KIAA0319L: variants seen among roughly 807,000 people sequenced by gnomAD.
The protein encoded by KIAA0319L is KIAA0319 like, also known as dyslexia-associated protein KIAA0319-like protein.
KIAA0319L carries 55 observed loss-of-function variants against 120.1 expected under a neutral mutation model. The ratio of observed to expected loss-of-function variants is 0.46; its 90% CI spans 0.37 to 0.57. The LOEUF (loss-of-function observed/expected upper bound fraction) is 0.57, where lower values mean the gene tolerates loss of function less well. Ranked by LOEUF, KIAA0319L falls within the 20% of genes least tolerant of loss-of-function variation. KIAA0319L has a pLI of 0.00. For synonymous variants in KIAA0319L, 398 were observed against 471.9 expected (o/e 0.84, Z 2.03); for missense variants, 1,049 against 1,255.3 (o/e 0.84, Z 2.48).
chr1:35,512,995 T>C (rs1645518868), intron 2 of KIAA0319L, among the ~76,000 whole-genome samples: 1 of 151,462 alleles, frequency 6.6e-6, no homozygotes, highest in Non-Finnish European at 1.5e-5. Flanking sequence ...AATAAATTTT[T>C]ATTGGAACTC....
intron 18 of KIAA0319L, among the ~76,000 whole-genome samples, 180 bp downstream of exon 18, chr1:35,442,726 C>A (rs1641316732): frequency 6.6e-6 from 1 of 152,234 alleles, no homozygotes; most frequent in Admixed American, 6.5e-5. Flanking sequence ...TGCTTCAGGG[C>A]TTTCCTCTAA....
chr1:35,484,804 ATATT>A (rs1167567223), intron 3 of KIAA0319L, among the ~76,000 whole-genome samples: 220 of 43,616 alleles, frequency 5.0e-3, no homozygotes, highest in African/African-American at 0.018. Context: ...ATATATATAT[ATATT>A]TTTTTTTTTA....
intron 2 of KIAA0319L, among the ~76,000 whole-genome samples, chr1:35,508,400 C>T (rs1645289621): frequency 6.6e-6 from 1 of 152,184 alleles, no homozygotes; most frequent in African/African-American, 2.4e-5. Flanking sequence ...AACTGACAAT[C>T]AGCCAAAGCC....
chr1:35,455,964 CA>C, intron 10 of KIAA0319L, 48 bp downstream of exon 10: 6 of 1,389,674 alleles, frequency 4.3e-6, no homozygotes, highest in Admixed American at 1.9e-5. Flanking sequence ...TGCAGTCCAG[CA>C]GCTCTACTTC....
chr1:35,514,245 T>C (rs956043796), intron 2 of KIAA0319L, among the ~76,000 whole-genome samples: 2 of 151,968 alleles, frequency 1.3e-5, no homozygotes, highest in African/African-American at 4.8e-5. Context: ...AGTGCACACA[T>C]AGTCGGGCTG....
intron 2 of KIAA0319L, among the ~76,000 whole-genome samples, chr1:35,551,608 C>T (rs942987579): frequency 1.3e-5 from 2 of 152,062 alleles, no homozygotes; most frequent in African/African-American, 2.4e-5. Flanking sequence ...CATGAGCCAC[C>T]GCGCCCAGCC....
At chr1:35,517,939 T>C (rs1330559949) in intron 2 of KIAA0319L, among the ~76,000 whole-genome samples, 1 of 152,110 alleles carries the variant, frequency 6.6e-6, no homozygotes, top group East Asian at 1.9e-4. Flanking sequence ...AAAGAAGACA[T>C]ACAGGCAACC....
intron 2 of KIAA0319L, among the ~76,000 whole-genome samples, chr1:35,527,647 G>A (rs564451246): frequency 2.6e-5 from 4 of 151,818 alleles, no homozygotes; most frequent in Non-Finnish European, 4.4e-5. Flanking sequence ...ATGTGTCCAC[G>A]GATTCATCAA....
intron 3 of KIAA0319L, among the ~76,000 whole-genome samples, chr1:35,493,935 G>T (rs1644698152): frequency 6.6e-6 from 1 of 152,062 alleles, no homozygotes; most frequent in Admixed American, 6.6e-5. Flanking sequence ...TAATTAAATG[G>T]AGAGATACAC....
chr1:35,454,950 T>C (rs1438054616), intron 10 of KIAA0319L, among the ~76,000 whole-genome samples: 1 of 152,184 alleles, frequency 6.6e-6, no homozygotes, highest in African/African-American at 2.4e-5. Flanking sequence ...CACCATACTG[T>C]CTCCTTCAGG....
At chr1:35,472,515 C>G (rs542998955) in intron 5 of KIAA0319L, among the ~76,000 whole-genome samples, 1 of 152,130 alleles carries the variant, frequency 6.6e-6, no homozygotes, top group Non-Finnish European at 1.5e-5. Flanking sequence ...TGGTCTCAAA[C>G]TTCTGACCTC....
chr1:35,503,804 C>T (rs1558508217), intron 3 of KIAA0319L, among the ~76,000 whole-genome samples: 2 of 152,074 alleles, frequency 1.3e-5, no homozygotes, highest in Non-Finnish European at 2.9e-5. Context: ...CCTCAGCCTA[C>T]TCAACGTGAA....
At position 35,450,468 on chromosome 1, in the gene KIAA0319L, C is replaced by A. The variant is rs762146389; in HGVS notation, c.2104G>T (p.Val702Leu). 4 of 1,614,008 alleles carry A rather than the reference C, an allele frequency of 2.5e-6. No individual in the cohort carries two copies. The East Asian group carries it at 6.7e-5, about 27-fold the overall frequency. ...GCTGTGCTCGTGGGTAGGGTAATCA[C>A]CACATTCCCAGTTATCTTGGCTATA... ...PPIAKITGNVVITLPTSTAEL... is the reference protein window; with the variant it reads ...PPIAKITGNVLITLPTSTAEL... The change falls in exon 14 of 21, where the codon GTG becomes TTG. Residue 702 changes from valine (V) to leucine (L), a missense_variant. Physicochemically the swap from Val to Leu is conservative, Grantham distance 32. Coordinates refer to ENST00000325722, the MANE Select transcript of KIAA0319L (RefSeq NM_024874.5).
rs550644141 is a variant in KIAA0319L, at chr1:35,529,794, G to C, written c.143-22659C>G. 6.0e-3 allele frequency among the ~76,000 whole-genome samples: 912 copies of C among 152,212 alleles called. 10 individuals are homozygous for C. The highest frequency in any genetic ancestry group is 0.021 in the African/African-American group (869 of 41,520). ...TATCATGTGCCAAGGAGATCTTTGT[G>C]GGTTGTATCTGTTTGGGAATCTCTG... On this transcript the variant is annotated intron_variant, in intron 2 of 20. Transcript: ENST00000325722.
chr1:35,554,242 G>C (rs1647593625), intron 2 of KIAA0319L, 108 bp downstream of exon 2: 1 of 702,320 alleles, frequency 1.4e-6, no homozygotes, highest in African/African-American at 1.8e-5. Context: ...CTGTCAATTA[G>C]CAGATTGTTT....
intron 17 of KIAA0319L, 121 bp from the exon 18 acceptor site, chr1:35,443,149 G>A (rs535344057): frequency 6.9e-5 from 83 of 1,197,908 alleles, no homozygotes; most frequent in Non-Finnish European, 8.1e-5. Flanking sequence ...AAATGTCCTC[G>A]AGACCCACCT....
rs1644825615 is a variant in KIAA0319L at position 35,496,892 on chromosome 1, A to C, written c.666+9720T>G. On this transcript the variant is annotated intron_variant, in intron 3 of 20. Transcript: ENST00000325722. ...AACCCTGGAGGTCGAGGCTGCGGAGAGCAGAAATAGTGCCACTGCACTCCA... is the reference window on the plus strand; with the variant it reads ...AACCCTGGAGGTCGAGGCTGCGGAGCGCAGAAATAGTGCCACTGCACTCCA... 2.1e-5 allele frequency among the ~76,000 whole-genome samples: 3 copies of C among 145,570 alleles called. No individual in the cohort carries two copies. In the South Asian group the frequency reaches 6.7e-4, roughly 32 times the overall value.
At chr1:35,536,589 A>T (rs1238029157) in intron 2 of KIAA0319L, among the ~76,000 whole-genome samples, 1 of 152,266 alleles carries the variant, frequency 6.6e-6, no homozygotes, top group Non-Finnish European at 1.5e-5. Context: ...AGGTGAAAAC[A>T]GGGAAACCAC....
At chr1:35,485,038 A>C (rs1644334849) in intron 3 of KIAA0319L, among the ~76,000 whole-genome samples, 1 of 147,402 alleles carries the variant, frequency 6.8e-6, no homozygotes, top group African/African-American at 2.5e-5. Flanking sequence ...TCTCTGCTAA[A>C]TCTAATAGCT....
Sources: allele counts gnomAD v4.1 joint callset (sites outside exome capture counted in the v4.1 genomes callset), GRCh38; gene constraint gnomAD v4.1.1; transcripts MANE v1.5; gene names NCBI Gene and HGNC (gene_info 2026-07-23, HGNC 2026-07-21).